WDR44: variants seen among roughly 807,000 people sequenced by gnomAD.
WDR44 encodes WD repeat-containing protein 44.
A neutral mutation model predicts 65.7 loss-of-function variants in WDR44; 9 were observed. That is an observed-to-expected ratio of 0.14 (90% CI 0.08 to 0.24). The LOEUF is 0.24. Among genes scored for constraint, WDR44 ranks in the 10% least tolerant of loss-of-function variants. The pLI, the probability that WDR44 is intolerant of heterozygous loss-of-function variation, is 1.00. For synonymous variants in WDR44, 220 were observed against 235.2 expected, an observed-to-expected ratio of 0.94 and a Z score of 0.59; for missense variants, 425 against 670.9, an observed-to-expected ratio of 0.63 and a Z score of 4.05.
chrX:118,351,734 GAGGT>G (rs1389406499), intron 1 of WDR44, among the ~76,000 whole-genome samples: 1 of 111,069 alleles, frequency 9.0e-6, no homozygotes, highest in African/African-American at 3.3e-5. Context: ...TGGATCACCT[GAGGT>G]CAGGAGTTCG....
intron 12 of WDR44, among the ~76,000 whole-genome samples, chrX:118,430,277 C>G (rs2057197730): frequency 9.2e-6 from 1 of 108,607 alleles, no homozygotes; most frequent in Non-Finnish European, 1.9e-5. Context: ...GGTGTGGTGG[C>G]TCACACCTGT....
intron 11 of WDR44, 85 bp downstream of exon 11, chrX:118,409,712 T>TGG (rs2056997207): frequency 4.1e-6 from 4 of 964,454 alleles, no homozygotes; most frequent in Non-Finnish European, 5.5e-6. Context: ...CTGGCAGTCA[T>TGG]TTGCAGCAAC....
chrX:118,368,015 TTC>T (rs372919015), intron 1 of WDR44, among the ~76,000 whole-genome samples: 11 of 111,786 alleles, frequency 9.8e-5, no homozygotes, highest in African/African-American at 3.6e-4. Flanking sequence ...GTTATATATT[TTC>T]TGTTAGATTG....
chrX:118,411,859 A>G (rs1035617115), intron 12 of WDR44, among the ~76,000 whole-genome samples: 1 of 112,296 alleles, frequency 8.9e-6, no homozygotes, highest in African/African-American at 3.2e-5. Context: ...ATGTAATCCA[A>G]CCACATCAAC....
At chrX:118,367,310 G>T (rs1209190270) in intron 1 of WDR44, among the ~76,000 whole-genome samples, 1 of 111,421 alleles carries the variant, frequency 9.0e-6, no homozygotes, top group Non-Finnish European at 1.9e-5. Flanking sequence ...ATTTTTACTG[G>T]CAGATTTGGG....
chrX:118,384,830 T>C (rs2056751989), intron 2 of WDR44, among the ~76,000 whole-genome samples: 1 of 112,037 alleles, frequency 8.9e-6, no homozygotes, highest in Non-Finnish European at 1.9e-5. Flanking sequence ...TTTTTCCATT[T>C]GTTTGTGTCA....
intron 1 of WDR44, among the ~76,000 whole-genome samples, chrX:118,358,502 A>C (rs1227120327): frequency 8.9e-6 from 1 of 111,769 alleles, no homozygotes; most frequent in Non-Finnish European, 1.9e-5. Flanking sequence ...CAGGAGTTTG[A>C]GACCAGCCTG....
Position 118,346,275 on chromosome X carries a change from C to T in WDR44, c.-229C>T, listed in dbSNP as rs2056348316. On this transcript the variant is annotated 5_prime_UTR_variant, in exon 1 of 20. Coordinates refer to ENST00000254029, the MANE Select transcript of WDR44 (RefSeq NM_019045.5). Reference sequence around the variant, plus strand: ...AGCGGTGGCAGCAACATTCCCTGGACCAACCGCCGCCTCTTCAGGCGGCCG... The same window carrying T: ...AGCGGTGGCAGCAACATTCCCTGGATCAACCGCCGCCTCTTCAGGCGGCCG... 9.7e-6 allele frequency: 4 copies of T among 410,851 alleles called. No homozygotes were observed. The highest frequency in any genetic ancestry group is 6.6e-4 in the Middle Eastern group (1 of 1,517). 33.9% of individuals were successfully genotyped at this position (410,851 alleles called of 1,213,427 possible).
At chrX:118,346,621 GC>G (rs939804890) in intron 1 of WDR44, 41 bp downstream of exon 1, 2 of 1,060,325 alleles carry the variant, frequency 1.9e-6, no homozygotes, top group African/African-American at 3.8e-5. Flanking sequence ...GGCATCCCAA[GC>G]CCCCCGCATC....
chrX:118,406,866 T>C lies in WDR44; in HGVS notation c.1382-9T>C. 1 of 1,193,350 alleles carries C rather than the reference T, an allele frequency of 8.4e-7. No homozygotes were observed. Among genetic ancestry groups the C allele is most frequent in the Non-Finnish European group, 1.1e-6 (1 of 885,747 alleles). On this transcript the variant is annotated splice_polypyrimidine_tract_variant and intron_variant, in intron 9 of 19. Coordinates refer to ENST00000254029, the MANE Select transcript of WDR44 (RefSeq NM_019045.5). ...AGCTAGTAGTGATTTCTGTTGCTTT[T>C]CTGTTCAGTGTTTCATACTGATCAA...
At position 118,389,146 on chromosome X, in the gene WDR44, C is replaced by G. The variant is rs371743079; in HGVS notation, c.186+1732C>G. The stretch of plus-strand genomic sequence containing the variant: ...TGAGGTTTAAGATTCTAAATAATCA[C>G]TTTTTAAGTTCTAGCCTTTTCAGTT... On this transcript the variant is annotated intron_variant, in intron 3 of 19. Coordinates refer to ENST00000254029, the MANE Select transcript of WDR44 (RefSeq NM_019045.5). Among the ~76,000 whole-genome samples, 18 of 111,946 alleles carry G rather than the reference C, an allele frequency of 1.6e-4. No homozygotes were observed. In the East Asian group the frequency reaches 1.7e-3, roughly 10 times the overall value.
chrX:118,357,007 A>G lies in WDR44; in HGVS notation c.77+10427A>G, dbSNP rs971345075. The stretch of plus-strand genomic sequence containing the variant: ...GCCACCAAGCCCAGCTAATTTTTGT[A>G]TTTTTAGTAGAGATGGGGTTTCACC... On this transcript the variant is annotated intron_variant, in intron 1 of 19. Coordinates refer to ENST00000254029, the MANE Select transcript of WDR44 (RefSeq NM_019045.5). 1.4e-4 allele frequency among the ~76,000 whole-genome samples: 15 copies of G among 108,175 alleles called. No individual in the cohort carries two copies. The Admixed American group carries it at 1.5e-3, about 11-fold the overall frequency. 93.9% of individuals were successfully genotyped at this position (108,175 alleles called of 115,157 possible).
chrX:118,357,842 G>A (rs1187464453), intron 1 of WDR44, among the ~76,000 whole-genome samples: 1 of 110,492 alleles, frequency 9.1e-6, no homozygotes, highest in African/African-American at 3.3e-5. Context: ...TCACACCACT[G>A]CATTCCAGCC....
chrX:118,444,317 G>A (rs1569388020), intron 18 of WDR44, 43 bp from the exon 19 acceptor site: 2 of 1,180,094 alleles, frequency 1.7e-6, no homozygotes, highest in Non-Finnish European at 2.3e-6. Context: ...GTTTGTCTTG[G>A]TATCCAATTT....
At chrX:118,369,233 CCT>C (rs2056584957) in intron 1 of WDR44, among the ~76,000 whole-genome samples, 1 of 104,423 alleles carries the variant, frequency 9.6e-6, no homozygotes, top group South Asian at 4.2e-4. Context: ...GTGCAGTGGC[CCT>C]ATCTCGGCTC....
chrX:118,380,784 G>A (rs753254933), intron 2 of WDR44, among the ~76,000 whole-genome samples: 4 of 112,091 alleles, frequency 3.6e-5, no homozygotes, highest in Non-Finnish European at 7.5e-5. Flanking sequence ...TTGGAGGAAC[G>A]AGAGGAAGAT....
intron 2 of WDR44, among the ~76,000 whole-genome samples, chrX:118,387,046 G>C (rs2056774626): frequency 9.1e-6 from 1 of 109,290 alleles, no homozygotes; most frequent in African/African-American, 3.3e-5. Context: ...GCCAGGTGTG[G>C]TGGCACGCGC....
intron 1 of WDR44, among the ~76,000 whole-genome samples, chrX:118,348,504 A>G (rs1443222604): frequency 1.8e-5 from 2 of 112,152 alleles, no homozygotes; most frequent in African/African-American, 3.2e-5. Context: ...GTTGAGTTCT[A>G]TGGATAAAAC....
chrX:118,414,426 A>G lies in WDR44; in HGVS notation c.1737+3467A>G, dbSNP rs747972903. On this transcript the variant is annotated intron_variant, in intron 12 of 19. Coordinates refer to ENST00000254029, the MANE Select transcript of WDR44 (RefSeq NM_019045.5). ...GTCTTGGAACCAACCCAAATGTCCAACAATAATAGACTGGATTAAGAAAAT... is the reference window on the plus strand; with the variant it reads ...GTCTTGGAACCAACCCAAATGTCCAGCAATAATAGACTGGATTAAGAAAAT... Among the ~76,000 whole-genome samples, 3 of 110,009 alleles carry G rather than the reference A, an allele frequency of 2.7e-5. No homozygotes were observed. In the Admixed American group the frequency reaches 2.9e-4, roughly 11 times the overall value.
Sources: gnomAD v4.1 joint callset for allele counts (sites outside exome capture counted in the v4.1 genomes callset) on GRCh38, gnomAD v4.1.1 for gene constraint, MANE v1.5 for transcripts, NCBI Gene and HGNC (gene_info 2026-07-23, HGNC 2026-07-21) for gene names.